MED14: variants seen among roughly 807,000 people sequenced by gnomAD.
MED14 encodes mediator complex subunit 14.
In MED14, 8 loss-of-function variants were observed where a neutral mutation model predicts 109.0. The observed-to-expected ratio is 0.07, with a 90% CI of 0.04 to 0.13. MED14 has a LOEUF of 0.13. MED14 is among the 10% of genes least tolerant of loss of function. The pLI, the probability that MED14 is intolerant of heterozygous loss-of-function variation, is 1.00. For missense variants in MED14, 711 were observed against 1,142.4 expected, an observed-to-expected ratio of 0.62 and a Z score of 5.44; for synonymous variants, 399 against 408.7, an observed-to-expected ratio of 0.98 and a Z score of 0.29.
chrX:40,671,212 G>C (rs6520673), intron 23 of MED14, among the ~76,000 whole-genome samples: 1 of 110,237 alleles, frequency 9.1e-6, no homozygotes, highest in South Asian at 3.9e-4. Context: ...GCTGGTATCC[G>C]GTTCACTGCT....
At chrX:40,683,064 C>T in intron 16 of MED14, 68 bp from the exon 17 acceptor site, 2 of 933,084 alleles carry the variant, frequency 2.1e-6, no homozygotes, top group Non-Finnish European at 3.0e-6. Flanking sequence ...CAATGACAGA[C>T]AAGGTATGAC....
Position 40,664,402 on chromosome X carries a change from G to C in MED14, c.3353C>G (p.Pro1118Arg). ...NWPGSPQVSG[P>R]SPAARMPGMS... ...TCCAGGCATGCGTGCTGCTGGTGAG[G>C]GGCCAGACACTTGAGGAGATCCTGG... is the stretch of plus-strand genomic sequence containing the variant. The change falls in exon 25 of 31, where the codon CCC (proline) becomes CGC (arginine). Residue 1118 changes from proline (P) to arginine (R), a missense_variant. Physicochemically the swap from Pro to Arg is moderately radical, Grantham distance 103. Transcript: ENST00000324817. The C allele has an allele frequency of 8.3e-7, 1 of 1,203,356 alleles. No homozygotes were observed. Among genetic ancestry groups the C allele is most frequent in the Non-Finnish European group, 1.1e-6 (1 of 891,676 alleles).
At chrX:40,723,898 G>A (rs1369866483) in intron 3 of MED14, among the ~76,000 whole-genome samples, 2 of 110,391 alleles carry the variant, frequency 1.8e-5, no homozygotes, top group Middle Eastern at 4.6e-3. Flanking sequence ...AAGGCACAGA[G>A]TGGCTGAATA....
intron 22 of MED14, among the ~76,000 whole-genome samples, chrX:40,673,846 CAAA>C (rs138556866): frequency 1.5e-3 from 129 of 86,655 alleles, no homozygotes; most frequent in East Asian, 5.8e-3. Flanking sequence ...AACTCCATCT[CAAA>C]AAAAAAAAAA....
At position 40,732,402 on chromosome X, in the gene MED14, G is replaced by A. The variant is rs181995195; in HGVS notation, c.215+2796C>T. 3.1e-4 allele frequency among the ~76,000 whole-genome samples: 34 copies of A among 110,565 alleles called. No homozygotes were observed. In the East Asian group the frequency reaches 7.1e-3, roughly 23 times the overall value. ...GGTGTGGTGGTGCATGCCTGTAATC[G>A]CAGCTACTCGGGAGGCTGAGGCACA... On this transcript the variant is annotated intron_variant, in intron 1 of 30. Coordinates refer to ENST00000324817, the MANE Select transcript of MED14 (RefSeq NM_004229.4).
At chrX:40,696,564 G>A (rs909406317) in intron 13 of MED14, among the ~76,000 whole-genome samples, 3 of 111,256 alleles carry the variant, frequency 2.7e-5, no homozygotes, top group Non-Finnish European at 5.7e-5. Flanking sequence ...GGAATAGAGA[G>A]GACCTTACTG....
intron 9 of MED14, among the ~76,000 whole-genome samples, chrX:40,709,690 T>C (rs1272726403): frequency 8.9e-6 from 1 of 111,960 alleles, no homozygotes; most frequent in Non-Finnish European, 1.9e-5. Flanking sequence ...TGGTAAGTAA[T>C]AGGAGAAGAT....
chrX:40,698,310 T>C (rs1444481251), intron 12 of MED14, among the ~76,000 whole-genome samples: 1 of 112,149 alleles, frequency 8.9e-6, no homozygotes, highest in African/African-American at 3.2e-5. Flanking sequence ...AACAAGCTCA[T>C]GTGTCACATT....
intron 3 of MED14, among the ~76,000 whole-genome samples, chrX:40,719,801 T>C (rs777547276): frequency 1.7e-3 from 190 of 112,065 alleles, no homozygotes; most frequent in African/African-American, 5.4e-3. Flanking sequence ...GTATGTAAAT[T>C]ATATCTCAGT....
intron 30 of MED14, among the ~76,000 whole-genome samples, chrX:40,652,884 T>C (rs1279046525): frequency 2.7e-5 from 3 of 111,589 alleles, no homozygotes; most frequent in Admixed American, 9.6e-5. Flanking sequence ...ATGTGAACCA[T>C]GGCCTTTCAG....
Position 40,731,094 on chromosome X carries a change from T to C in MED14, c.216-1749A>G, listed in dbSNP as rs375302267. Among the ~76,000 whole-genome samples, 11 of 108,332 alleles carry C rather than the reference T, an allele frequency of 1.0e-4. No individual in the cohort carries two copies. The East Asian group carries it at 3.2e-3, about 31-fold the overall frequency. The allele number at this position is 108,332 out of a possible 115,157, so 94.1% of individuals were successfully genotyped here. A position where few individuals can be genotyped will look rare whatever the true frequency, so the allele number is the denominator to read the frequency against. ...AAGTCAAGGCTGCAGTGAGCCATGATTGTGCCACTGCATTCCAGCCTGGGT... is the reference window on the plus strand; with the variant it reads ...AAGTCAAGGCTGCAGTGAGCCATGACTGTGCCACTGCATTCCAGCCTGGGT... On this transcript the variant is annotated intron_variant, in intron 1 of 30. Transcript: ENST00000324817.
At chrX:40,682,028 A>G (rs1194200434) in intron 18 of MED14, 85 bp from the exon 19 acceptor site, 2 of 435,990 alleles carry the variant, frequency 4.6e-6, no homozygotes, top group African/African-American at 5.2e-5. Flanking sequence ...CATTTTGGCA[A>G]TATTATATGC....
chrX:40,725,770 A>G (rs1039690468), intron 3 of MED14, among the ~76,000 whole-genome samples: 7 of 111,856 alleles, frequency 6.3e-5, no homozygotes, highest in African/African-American at 2.3e-4. Flanking sequence ...CAGATCTGGA[A>G]CACGACAAGG....
intron 11 of MED14, 24 bp from the exon 12 acceptor site, chrX:40,701,267 A>G: frequency 9.6e-7 from 1 of 1,036,331 alleles, no homozygotes; most frequent in Non-Finnish European, 1.3e-6. Context: ...CACTTCATTA[A>G]TTAATTGCTT....
intron 23 of MED14, among the ~76,000 whole-genome samples, chrX:40,671,150 C>T (rs1170988948): frequency 2.7e-5 from 3 of 111,725 alleles, no homozygotes; most frequent in African/African-American, 9.8e-5. Flanking sequence ...TCATTCTCCC[C>T]AATAAATCTG....
chrX:40,651,749 T>A lies in MED14; in HGVS notation c.*57A>T, dbSNP rs1481356138. 82 of 1,123,808 alleles carry A rather than the reference T, an allele frequency of 7.3e-5. No individual in the cohort carries two copies. The highest frequency in any genetic ancestry group is 9.6e-5 in the Non-Finnish European group (82 of 857,196). 92.6% of individuals were successfully genotyped at this position (1,123,808 alleles called of 1,213,427 possible). A position where few individuals can be genotyped will look rare whatever the true frequency, so the allele number is the denominator to read the frequency against. On this transcript the variant is annotated 3_prime_UTR_variant, in exon 31 of 31. Transcript: ENST00000324817. ...TTCCTTTTTTAAACTGAAGGCTGAA[T>A]TCAGATTTTTTTTGTTGTCTCATCT...
In MED14 at chrX:40,735,505, G is replaced by C. The variant is rs1243988097; in HGVS notation, c.-93C>G. ...CACCGCGCCGAAACGGGAGCGGGCA[G>C]AGTCGCCACCGCCTACCGCCGGGCC... On this transcript the variant is annotated 5_prime_UTR_variant, in exon 1 of 31. Transcript: ENST00000324817. 2.3e-6 allele frequency: 2 copies of C among 858,517 alleles called. No individual in the cohort carries two copies. The highest frequency in any genetic ancestry group is 4.0e-5 in the African/African-American group (2 of 50,117). The allele number at this position is 858,517 out of a possible 1,213,427, so 70.8% of individuals were successfully genotyped here.
chrX:40,735,305 G>C lies in MED14; in HGVS notation c.108C>G (p.Ala36=). Residue 36 remains alanine, a synonymous_variant, in exon 1 of 31, where the codon GCC becomes GCG. Coordinates refer to ENST00000324817, the MANE Select transcript of MED14 (RefSeq NM_004229.4). ...CCGCAGCTGCAGCGGCCGCCGCCAC[G>C]GCGGCTCCCGGGGGAGGAGGGGCTG... is the stretch of plus-strand genomic sequence containing the variant. ...SAPAPPPPGA[A]VAAAAAAAAS... 4 of 1,127,344 alleles carry C rather than the reference G, an allele frequency of 3.5e-6. 1 individual carries two copies. The South Asian group carries it at 6.2e-5, about 17-fold the overall frequency. 92.9% of individuals were successfully genotyped at this position (1,127,344 alleles called of 1,213,427 possible). A position where few individuals can be genotyped will look rare whatever the true frequency, so the allele number is the denominator to read the frequency against.
At chrX:40,670,621 C>T (rs1347471379) in intron 23 of MED14, among the ~76,000 whole-genome samples, 7 of 110,159 alleles carry the variant, frequency 6.4e-5, no homozygotes, top group African/African-American at 1.7e-4. Flanking sequence ...ATTAGCCGGG[C>T]GCGGTAGCGG....
Sources: gnomAD v4.1 joint callset for allele counts (sites outside exome capture counted in the v4.1 genomes callset) on GRCh38, gnomAD v4.1.1 for gene constraint, MANE v1.5 for transcripts, NCBI Gene and HGNC (gene_info 2026-07-23, HGNC 2026-07-21) for gene names.